Variants in BUB1 observed in about 807,000 individuals in gnomAD.
BUB1 encodes BUB1 mitotic checkpoint serine/threonine kinase.
A neutral mutation model predicts 135.2 loss-of-function variants in BUB1; 84 were observed. The observed-to-expected ratio is 0.62, with a 90% confidence interval of 0.52 to 0.74. The LOEUF (loss-of-function observed/expected upper bound fraction) is 0.74. BUB1 is among the 30% of genes least tolerant of loss of function. The probability of loss-of-function intolerance (pLI) is 0.00; values close to 1 mark genes in which losing one functional copy is unlikely to be tolerated. For missense variants in BUB1, 1,162 were observed against 1,288.3 expected (o/e 0.90, Z 1.50); for synonymous variants, 403 against 434.4 (o/e 0.93, Z 0.90).
chr2:110,651,457 T>C (rs1174615040), intron 17 of BUB1, among the ~76,000 whole-genome samples: 1 of 152,204 alleles, frequency 6.6e-6, no homozygotes, highest in Non-Finnish European at 1.5e-5. Context: ...AGTTGTACAA[T>C]GTGTTTGTTT....
At chr2:110,660,337 T>C (rs1690048991) in intron 10 of BUB1, among the ~76,000 whole-genome samples, 1 of 151,648 alleles carries the variant, frequency 6.6e-6, no homozygotes. Flanking sequence ...GATCGCACCA[T>C]TGCACTCCAG....
At chr2:110,676,846 G>A (rs1181602939) in intron 1 of BUB1, among the ~76,000 whole-genome samples, 1 of 152,058 alleles carries the variant, frequency 6.6e-6, no homozygotes, top group Non-Finnish European at 1.5e-5. Context: ...TGGGACAGTA[G>A]TCAGGTACAG....
chr2:110,665,054 A>G (rs1690207148), intron 9 of BUB1, among the ~76,000 whole-genome samples: 1 of 152,216 alleles, frequency 6.6e-6, no homozygotes, highest in African/African-American at 2.4e-5. Flanking sequence ...CATGATTTCT[A>G]ACAGTTTCTA....
At position 110,641,344 on chromosome 2, in the gene BUB1, CATGA is replaced by C; in HGVS notation, c.2742_2745del (p.Ile914MetfsTer30). 1 of 1,613,342 alleles carries C rather than the reference CATGA, an allele frequency of 6.2e-7. No homozygotes were observed. Among genetic ancestry groups the C allele is most frequent in the South Asian group, 1.1e-5 (1 of 90,788 alleles). ...ATGAAATTGTCTGGTTTAATGTCTC[CATGA>C]ATGATTTCACAGTCATGCACTTGCT... On this transcript the variant is annotated frameshift_variant, in exon 22 of 25. Transcript: ENST00000302759. LOFTEE classifies it high-confidence loss of function.
chr2:110,674,428 C>A lies in BUB1; in HGVS notation c.27-63G>T. On this transcript the variant is annotated intron_variant, in intron 1 of 24. Coordinates refer to ENST00000302759, the MANE Select transcript of BUB1 (RefSeq NM_004336.5). Reference sequence around the variant, plus strand: ...ATAATTTCTACAAGCAAAAGATATACTTCATTTTATATATACCATTTATGT... The same window carrying A: ...ATAATTTCTACAAGCAAAAGATATAATTCATTTTATATATACCATTTATGT... 4 of 1,481,688 alleles carry A rather than the reference C, an allele frequency of 2.7e-6. No individual in the cohort carries two copies. In the South Asian group the frequency reaches 4.6e-5, roughly 17 times the overall value. 91.8% of individuals were successfully genotyped at this position (1,481,688 alleles called of 1,614,324 possible). A position where few individuals can be genotyped will look rare whatever the true frequency, so the allele number is the denominator to read the frequency against.
At chr2:110,647,736 G>C (rs1039020103) in intron 19 of BUB1, among the ~76,000 whole-genome samples, 9 of 152,056 alleles carry the variant, frequency 5.9e-5, no homozygotes, top group Non-Finnish European at 8.8e-5. Context: ...TTAGAAAATG[G>C]ACAAAAGATC....
intron 11 of BUB1, among the ~76,000 whole-genome samples, chr2:110,659,678 AC>A (rs1397237186): frequency 2.6e-5 from 4 of 152,222 alleles, no homozygotes; most frequent in African/African-American, 7.2e-5. Context: ...ACTTTTGATA[AC>A]CTTTCCTACC....
chr2:110,669,703 G>GT, intron 5 of BUB1, 150 bp from the exon 6 acceptor site: 1 of 549,994 alleles, frequency 1.8e-6, no homozygotes, highest in Non-Finnish European at 3.2e-6. Context: ...CAACTAAAAC[G>GT]TTTTTAAAAT....
At chr2:110,662,874 T>A (rs1690135709) in intron 9 of BUB1, among the ~76,000 whole-genome samples, 1 of 151,972 alleles carries the variant, frequency 6.6e-6, no homozygotes, top group Non-Finnish European at 1.5e-5. Flanking sequence ...TGGAAAAAAA[T>A]ATAAAAACCT....
intron 17 of BUB1, among the ~76,000 whole-genome samples, chr2:110,651,754 T>G (rs7594746): frequency 0.11 from 16,475 of 152,118 alleles, 1,723 homozygotes; most frequent in African/African-American, 0.27. Context: ...TTTTTTATCT[T>G]TTACACTGTA....
In BUB1 at chr2:110,641,073, C is replaced by A; in HGVS notation, c.2916G>T (p.Gln972His). The part of the protein sequence containing the change: ...FTAKCETSGF[Q>H]CVEMLSNKPW... ...GTTTGTTGCTGAGCATCTCAACACA[C>A]TGAAAACCAGATGTTTCACACTTTG... Residue 972 changes from glutamine (Q) to histidine (H), a missense_variant, in exon 23 of 25, where the codon CAG (glutamine) becomes CAT (histidine). Physicochemically the swap from Gln to His is conservative, Grantham distance 24. Transcript: ENST00000302759. 1 of 1,608,240 alleles carries A rather than the reference C, an allele frequency of 6.2e-7. No individual in the cohort carries two copies. Among genetic ancestry groups the A allele is most frequent in the Non-Finnish European group, 8.5e-7 (1 of 1,178,022 alleles).
chr2:110,667,144 G>A (rs1690281266), intron 8 of BUB1, among the ~76,000 whole-genome samples: 1 of 152,184 alleles, frequency 6.6e-6, no homozygotes, highest in Non-Finnish European at 1.5e-5. Flanking sequence ...ACTATATACA[G>A]ATAATACTGA....
intron 11 of BUB1, among the ~76,000 whole-genome samples, chr2:110,659,517 C>T (rs920932422): frequency 6.6e-6 from 1 of 152,136 alleles, no homozygotes; most frequent in Non-Finnish European, 1.5e-5. Context: ...CAGCCCTCCT[C>T]CTCACCAAAC....
Position 110,672,781 on chromosome 2 carries a change from A to T in BUB1, c.302T>A (p.Leu101Gln), listed in dbSNP as rs1235802891. 6.2e-7 allele frequency: 1 copy of T among 1,614,148 alleles called. No homozygotes were observed. Among genetic ancestry groups the T allele is most frequent in the East Asian group, 2.2e-5 (1 of 44,882 alleles). The stretch of plus-strand genomic sequence containing the variant: ...CAGATGCCCCGCCCAGGCAATGTAC[A>T]GAGGGGATGACAGGGTTCCAATCCC... Reference protein sequence around the residue: ...NHGIGTLSSPLYIAWAGHLEA... With the variant: ...NHGIGTLSSPQYIAWAGHLEA... Residue 101 changes from leucine to glutamine, a missense_variant, in exon 4 of 25, where the codon CTG (leucine) becomes CAG (glutamine). By Grantham distance (113) the Leu-to-Gln change is moderately radical (BLOSUM62 -2). Transcript: ENST00000302759.
chr2:110,639,025 G>C (rs1689430914), intron 24 of BUB1, among the ~76,000 whole-genome samples: 1 of 151,762 alleles, frequency 6.6e-6, no homozygotes, highest in African/African-American at 2.4e-5. Flanking sequence ...AAGTCCATTA[G>C]GCTGTACACT....
At position 110,638,970 on chromosome 2, in the gene BUB1, G is replaced by A. The variant is rs144655737; in HGVS notation, c.3062+772C>T. On this transcript the variant is annotated intron_variant, in intron 24 of 24. Coordinates refer to ENST00000302759, the MANE Select transcript of BUB1 (RefSeq NM_004336.5). ...TGGGGGAGATGAGGTTCACAGATGAGGTTCCTACTCTTACGTTTTCTCAAG... is the reference window on the plus strand; with the variant it reads ...TGGGGGAGATGAGGTTCACAGATGAAGTTCCTACTCTTACGTTTTCTCAAG... 2.6e-5 allele frequency among the ~76,000 whole-genome samples: 4 copies of A among 151,746 alleles called. 1 individual carries two copies. Among genetic ancestry groups the A allele is most frequent in the African/African-American group, 9.7e-5 (4 of 41,360 alleles).
chr2:110,665,226 ATG>A (rs1165962605), intron 9 of BUB1, among the ~76,000 whole-genome samples: 3 of 152,214 alleles, frequency 2.0e-5, no homozygotes, highest in African/African-American at 7.2e-5. Flanking sequence ...ATTCATATTT[ATG>A]TGTTTTCATA....
chr2:110,667,337 C>T (rs576619382), intron 8 of BUB1, among the ~76,000 whole-genome samples, 184 bp downstream of exon 8: 2 of 152,084 alleles, frequency 1.3e-5, no homozygotes, highest in East Asian at 3.9e-4. Context: ...TTGCTGCCAG[C>T]GCAGTTTTCT....
At chr2:110,662,111 T>C (rs1048086468) in intron 9 of BUB1, 2 of 390,828 alleles carry the variant, frequency 5.1e-6, no homozygotes, top group Admixed American at 4.2e-5. Context: ...GTCTCTATAG[T>C]TGTATCAGCA....
Sources: allele counts gnomAD v4.1 joint callset (sites outside exome capture counted in the v4.1 genomes callset), GRCh38; gene constraint gnomAD v4.1.1; transcripts MANE v1.5; gene names NCBI Gene and HGNC (gene_info 2026-07-23, HGNC 2026-07-21).